PHACTR3: variants seen among roughly 807,000 people sequenced by gnomAD.
PHACTR3 encodes phosphatase and actin regulator 3.
PHACTR3 carries 16 observed loss-of-function variants against 66.8 expected under a neutral mutation model. That is an observed-to-expected ratio of 0.24 (90% CI 0.16 to 0.36). The LOEUF is 0.36. Among genes scored for constraint, PHACTR3 ranks in the 10% least tolerant of loss-of-function variants. PHACTR3 has a pLI of 1.00. For synonymous variants in PHACTR3, 323 were observed against 292.1 expected, an observed-to-expected ratio of 1.11 and a Z score of -1.08; for missense variants, 647 against 719.9, an observed-to-expected ratio of 0.90 and a Z score of 1.16.
intron 4 of PHACTR3, among the ~76,000 whole-genome samples, chr20:59,766,443 A>G (rs963000276): frequency 3.9e-5 from 6 of 152,204 alleles, no homozygotes; most frequent in Non-Finnish European, 8.8e-5. Context: ...GAAATAATGG[A>G]TGATGGAACC....
chr20:59,774,254 G>A lies in PHACTR3; in HGVS notation c.938G>A (p.Arg313Lys), dbSNP rs1296207443. ...TCTTTCTGGTTTAGTTTTCAAGGAA[G>A]AGAAAGTAAAGGGTCTCCAAAGAAG... ...TKHRQDSFQGRESKGSPKKRL... is the reference protein window; with the variant it reads ...TKHRQDSFQGKESKGSPKKRL... The change falls in exon 7 of 13, where the codon AGA becomes AAA. Residue 313 changes from arginine (R) to lysine (K), a missense_variant. By Grantham distance (26) the Arg-to-Lys change is conservative. Transcript: ENST00000371015. 1 of 1,587,484 alleles carries A rather than the reference G, an allele frequency of 6.3e-7. No individual in the cohort carries two copies. The highest frequency in any genetic ancestry group is 1.8e-5 in the Admixed American group (1 of 54,332).
At chr20:59,793,385 A>G (rs1323010243) in intron 7 of PHACTR3, among the ~76,000 whole-genome samples, 1 of 152,210 alleles carries the variant, frequency 6.6e-6, no homozygotes, top group Non-Finnish European at 1.5e-5. Flanking sequence ...TAATATGGGC[A>G]TTTTAGCAAT....
chr20:59,610,690 G>T (rs1213760523), intron 1 of PHACTR3, among the ~76,000 whole-genome samples: 1 of 152,250 alleles, frequency 6.6e-6, no homozygotes, highest in Non-Finnish European at 1.5e-5. Flanking sequence ...CTTCCTTGCA[G>T]ACAGCTTTGT....
rs562340338 is a variant in PHACTR3 at position 59,754,258 on chromosome 20, A to C, written c.359-924A>C. ...CCAGGGATGGCAAGTGAAGGGCCAG[A>C]CCCTCAGAGGCTGCAGCAGCCGAGC... is the stretch of plus-strand genomic sequence containing the variant. On this transcript the variant is annotated intron_variant, in intron 3 of 12. Transcript: ENST00000371015. Among the ~76,000 whole-genome samples, 774 of 152,296 alleles carry C rather than the reference A, an allele frequency of 5.1e-3. 4 individuals are homozygous for C. Among genetic ancestry groups the C allele is most frequent in the Non-Finnish European group, 8.4e-3 (573 of 68,020 alleles).
intron 1 of PHACTR3, among the ~76,000 whole-genome samples, chr20:59,635,212 C>CTTT: frequency 1.1e-5 from 1 of 90,014 alleles, no homozygotes. Flanking sequence ...TTCTTTCCTT[C>CTTT]CTTCCTTCCT....
chr20:59,620,908 G>A (rs767664758), intron 1 of PHACTR3, among the ~76,000 whole-genome samples: 15 of 152,136 alleles, frequency 9.9e-5, no homozygotes, highest in Non-Finnish European at 1.6e-4. Flanking sequence ...CTTCCCCCAC[G>A]CTCCCATGTA....
chr20:59,630,902 G>C (rs1411020981), intron 1 of PHACTR3, among the ~76,000 whole-genome samples: 1 of 152,184 alleles, frequency 6.6e-6, no homozygotes, highest in African/African-American at 2.4e-5. Flanking sequence ...GAGGAGGAAA[G>C]TTACACCTGA....
chr20:59,604,799 C>G lies in PHACTR3; in HGVS notation c.-216C>G, dbSNP rs2033597958. On this transcript the variant is annotated 5_prime_UTR_variant, in exon 1 of 13. Coordinates refer to ENST00000371015, the MANE Select transcript of PHACTR3 (RefSeq NM_080672.5). ...GCCGCGCACGCCGGGATGCGCCTGG[C>G]TGCAGCCGGCGAGGCTATTGTCTCC... 3 of 1,204,924 alleles carry G rather than the reference C, an allele frequency of 2.5e-6. No individual in the cohort carries two copies. In the East Asian group the frequency reaches 1.0e-4, roughly 41 times the overall value. The allele number at this position is 1,204,924 out of a possible 1,614,324, so 74.6% of individuals were successfully genotyped here.
At chr20:59,787,783 C>G (rs1226789246) in intron 7 of PHACTR3, among the ~76,000 whole-genome samples, 1 of 152,138 alleles carries the variant, frequency 6.6e-6, no homozygotes, top group African/African-American at 2.4e-5. Context: ...TGGTTTACAG[C>G]TACTGTATAA....
Position 59,767,190 on chromosome 20 carries a change from G to T in PHACTR3, c.546G>T (p.Lys182Asn), listed in dbSNP as rs1203658206. 3.1e-6 allele frequency: 5 copies of T among 1,614,210 alleles called. No homozygotes were observed. The African/African-American group carries it at 6.7e-5, about 22-fold the overall frequency. ...TCTGCTTTGCCTTTGAACCAGCCAA[G>T]ATGCCTTCTGCATCCAGTGGTGAAG... ...SSAAHLDDAA[K>N]MPSASSGEEA... Residue 182 changes from lysine to asparagine, a missense_variant, in exon 5 of 13, where the codon AAG (lysine) becomes AAT (asparagine). Lys to Asn is a moderately conservative substitution (Grantham distance 94, BLOSUM62 0). This residue lies in a region of PHACTR3 where 577 missense variants were observed against 571.1 expected (regional missense o/e 1.01). Transcript: ENST00000371015.
intron 1 of PHACTR3, among the ~76,000 whole-genome samples, chr20:59,629,473 G>T (rs934389965): frequency 6.6e-6 from 1 of 152,350 alleles, no homozygotes; most frequent in Non-Finnish European, 1.5e-5. Flanking sequence ...CAGTGCTGGA[G>T]GCTGGAGGTC....
intron 1 of PHACTR3, among the ~76,000 whole-genome samples, chr20:59,705,179 A>G (rs930356254): frequency 5.3e-5 from 8 of 151,978 alleles, no homozygotes; most frequent in Non-Finnish European, 1.0e-4. Flanking sequence ...CTGGTCTCCA[A>G]CTCCTGAACA....
At chr20:59,589,858 C>T (rs571378288) in intron 1 of PHACTR3, among the ~76,000 whole-genome samples, 1 of 152,332 alleles carries the variant, frequency 6.6e-6, no homozygotes, top group Non-Finnish European at 1.5e-5. Flanking sequence ...TGGATTTGCT[C>T]TTTTATTTAT....
intron 3 of PHACTR3, among the ~76,000 whole-genome samples, chr20:59,748,651 C>T (rs1480611935): frequency 6.6e-6 from 1 of 152,124 alleles, no homozygotes; most frequent in African/African-American, 2.4e-5. Context: ...CTTCCGGTTC[C>T]CTGAGAGGCT....
At chr20:59,582,194 T>C (rs2032882582) in intron 1 of PHACTR3, among the ~76,000 whole-genome samples, 1 of 152,206 alleles carries the variant, frequency 6.6e-6, no homozygotes, top group Non-Finnish European at 1.5e-5. Context: ...TTTCTTGACA[T>C]AAGCATGTGC....
chr20:59,712,263 A>T (rs972473106), intron 1 of PHACTR3, among the ~76,000 whole-genome samples: 2 of 152,178 alleles, frequency 1.3e-5, no homozygotes, highest in Non-Finnish European at 2.9e-5. Flanking sequence ...ATATCTGATT[A>T]TGATTCTGCT....
intron 1 of PHACTR3, among the ~76,000 whole-genome samples, chr20:59,598,407 CCA>C (rs2033385955): frequency 1.3e-5 from 2 of 152,176 alleles, no homozygotes; most frequent in Admixed American, 6.5e-5. Context: ...CTCAGCGGGG[CCA>C]CACAGTCAGA....
intron 7 of PHACTR3, among the ~76,000 whole-genome samples, chr20:59,792,071 G>A (rs928729878): frequency 6.6e-6 from 1 of 152,092 alleles, no homozygotes; most frequent in Admixed American, 6.5e-5. Context: ...GGATTCTGAC[G>A]ACTAGTCTTA....
chr20:59,755,855 C>T (rs961875186), intron 4 of PHACTR3, among the ~76,000 whole-genome samples: 1 of 152,160 alleles, frequency 6.6e-6, no homozygotes, highest in African/African-American at 2.4e-5. Context: ...GGTGCTGATG[C>T]AGTCTCAGCA....
Sources: gnomAD v4.1 joint callset for allele counts (sites outside exome capture counted in the v4.1 genomes callset) on GRCh38, gnomAD v4.1.1 for gene constraint, gnomAD v4.1.1 regional missense constraint, MANE v1.5 for transcripts, NCBI Gene and HGNC (gene_info 2026-07-23, HGNC 2026-07-21) for gene names.